Variants in MACO1 observed in about 807,000 individuals in gnomAD.
MACO1 encodes the protein macoilin.
A neutral mutation model predicts 78.7 loss-of-function variants in MACO1; 14 were observed. The observed-to-expected ratio is 0.18, with a 90% CI of 0.12 to 0.28. The LOEUF (loss-of-function observed/expected upper bound fraction) is 0.28, where lower values mean the gene tolerates loss of function less well. Ranked by LOEUF, MACO1 falls within the 10% of genes least tolerant of loss-of-function variation. MACO1 has a pLI of 1.00. For missense variants in MACO1, 501 were observed against 799.0 expected (o/e 0.63, Z 4.50); for synonymous variants, 288 against 291.6 (o/e 0.99, Z 0.12).
chr1:25,498,621 TCTGATTAGAA>T lies in MACO1; in HGVS notation c.*159_*168del. 1 of 693,538 alleles carries T rather than the reference TCTGATTAGAA, an allele frequency of 1.4e-6. No homozygotes were observed. Among genetic ancestry groups the T allele is most frequent in the Non-Finnish European group, 2.3e-6 (1 of 430,126 alleles). The allele number at this position is 693,538 out of a possible 1,614,324, so 43.0% of individuals were successfully genotyped here. A position where few individuals can be genotyped will look rare whatever the true frequency, so the allele number is the denominator to read the frequency against. ...AAGGGGGGAAAAGATAACATCCAAG[TCTGATTAGAA>T]CTGCCCATCAGTTTTTCTTGTAAAT... On this transcript the variant is annotated 3_prime_UTR_variant, in exon 11 of 11. Coordinates refer to ENST00000374343, the MANE Select transcript of MACO1 (RefSeq NM_018202.6).
At chr1:25,454,585 G>A (rs1329055726) in intron 4 of MACO1, among the ~76,000 whole-genome samples, 3 of 150,396 alleles carry the variant, frequency 2.0e-5, no homozygotes, top group Non-Finnish European at 3.0e-5. Flanking sequence ...GGCTTCAAGC[G>A]ATTTTCCTGC....
intron 1 of MACO1, among the ~76,000 whole-genome samples, chr1:25,444,496 C>CT (rs1245719915): frequency 6.6e-6 from 1 of 152,090 alleles, no homozygotes; most frequent in Non-Finnish European, 1.5e-5. Context: ...GAAAAAAACT[C>CT]TTAGTTTTAA....
At chr1:25,457,678 T>TA (rs1183767667) in intron 5 of MACO1, among the ~76,000 whole-genome samples, 1 of 152,240 alleles carries the variant, frequency 6.6e-6, no homozygotes, top group African/African-American at 2.4e-5. Flanking sequence ...TAGAAATAGA[T>TA]AATTGGCAGT....
rs545439040 is a variant in MACO1 at position 25,494,593 on chromosome 1, G to A, written c.1792+3009G>A. ...TCCCTCCTATAGCATGTGAAAGACC[G>A]ATGGAAGGGGTGAGACTGAGTGGAG... On this transcript the variant is annotated intron_variant, in intron 10 of 10. Coordinates refer to ENST00000374343, the MANE Select transcript of MACO1 (RefSeq NM_018202.6). Among the ~76,000 whole-genome samples, 6 of 152,226 alleles carry A rather than the reference G, an allele frequency of 3.9e-5. No homozygotes were observed. The East Asian group carries it at 1.2e-3, about 29-fold the overall frequency.
chr1:25,448,310 A>G (rs556310131), intron 2 of MACO1, among the ~76,000 whole-genome samples: 52 of 152,198 alleles, frequency 3.4e-4, no homozygotes, highest in East Asian at 1.5e-3. Context: ...TAAAGTTACA[A>G]AAAATTAGTT....
intron 2 of MACO1, among the ~76,000 whole-genome samples, chr1:25,448,476 A>T (rs535136173): frequency 1.7e-4 from 26 of 152,296 alleles, no homozygotes; most frequent in African/African-American, 6.3e-4. Flanking sequence ...AAAAGAAAAA[A>T]GAAAAAAAAA....
intron 1 of MACO1, among the ~76,000 whole-genome samples, chr1:25,444,080 C>T (rs1235408928): frequency 6.6e-6 from 1 of 151,598 alleles, no homozygotes; most frequent in Non-Finnish European, 1.5e-5. Context: ...GGTGAAAACA[C>T]GTCTCTACTA....
At chr1:25,463,456 G>A (rs1217297241) in intron 6 of MACO1, among the ~76,000 whole-genome samples, 1 of 152,172 alleles carries the variant, frequency 6.6e-6, no homozygotes, top group Non-Finnish European at 1.5e-5. Context: ...CTTACAAAAT[G>A]ACCCTGTTTT....
chr1:25,478,177 A>G (rs2043339903), intron 6 of MACO1, among the ~76,000 whole-genome samples: 2 of 152,180 alleles, frequency 1.3e-5, no homozygotes, highest in African/African-American at 4.8e-5. Context: ...CCCAGGAGGC[A>G]GAGGTTGCAG....
intron 6 of MACO1, among the ~76,000 whole-genome samples, chr1:25,476,725 C>T (rs1474753055): frequency 6.6e-6 from 1 of 152,176 alleles, no homozygotes; most frequent in Non-Finnish European, 1.5e-5. Context: ...AGGGGAACTC[C>T]TAATGGAACT....
chr1:25,496,944 A>G (rs1557679395), intron 10 of MACO1, among the ~76,000 whole-genome samples: 2 of 152,338 alleles, frequency 1.3e-5, no homozygotes, highest in East Asian at 3.9e-4. Context: ...ATGGATAATA[A>G]TAATTCCCCC....
chr1:25,486,397 A>G (rs1419920021), intron 8 of MACO1, among the ~76,000 whole-genome samples: 1 of 152,200 alleles, frequency 6.6e-6, no homozygotes, highest in Non-Finnish European at 1.5e-5. Flanking sequence ...GTGTGCAAGT[A>G]TTCCAAAAAC....
intron 6 of MACO1, among the ~76,000 whole-genome samples, chr1:25,475,368 G>A (rs969680602): frequency 6.6e-6 from 1 of 151,694 alleles, no homozygotes; most frequent in Admixed American, 6.6e-5. Context: ...CAAAAAACAG[G>A]CATTCTCTGT....
chr1:25,483,368 A>G (rs1252871120), intron 6 of MACO1, among the ~76,000 whole-genome samples: 1 of 152,168 alleles, frequency 6.6e-6, no homozygotes, highest in Non-Finnish European at 1.5e-5. Flanking sequence ...TTTGTTGACC[A>G]TTTTCAGCAC....
At chr1:25,483,379 T>G (rs551684283) in intron 6 of MACO1, among the ~76,000 whole-genome samples, 3 of 152,226 alleles carry the variant, frequency 2.0e-5, no homozygotes, top group Non-Finnish European at 4.4e-5. Context: ...TTTTCAGCAC[T>G]ACATATGCAT....
intron 8 of MACO1, 31 bp from the exon 9 acceptor site, chr1:25,489,142 C>A: frequency 1.2e-6 from 2 of 1,605,644 alleles, no homozygotes; most frequent in Admixed American, 1.7e-5. Context: ...TCTTTTAAAT[C>A]ACTTTATTTC....
chr1:25,487,250 T>A (rs1286881431), intron 8 of MACO1, among the ~76,000 whole-genome samples: 2 of 152,032 alleles, frequency 1.3e-5, no homozygotes, highest in Non-Finnish European at 2.9e-5. Context: ...GCCACCCAGG[T>A]TCAAGCGATT....
chr1:25,442,529 C>G (rs1414780889), intron 1 of MACO1, among the ~76,000 whole-genome samples: 1 of 151,854 alleles, frequency 6.6e-6, no homozygotes, highest in East Asian at 1.9e-4. Flanking sequence ...TGTGTGGGCT[C>G]CAGAAAATGA....
chr1:25,443,210 C>T (rs2042987014), intron 1 of MACO1, among the ~76,000 whole-genome samples: 1 of 152,198 alleles, frequency 6.6e-6, no homozygotes, highest in Admixed American at 6.5e-5. Context: ...TTGTCTTTAA[C>T]TTCTGTACAT....
Sources: gnomAD v4.1 joint callset for allele counts (sites outside exome capture counted in the v4.1 genomes callset) on GRCh38, gnomAD v4.1.1 for gene constraint, MANE v1.5 for transcripts, NCBI Gene and HGNC (gene_info 2026-07-23, HGNC 2026-07-21) for gene names.